The following DNM2 variants were observed in gnomAD, a reference collection of about 807,000 sequenced individuals.
The protein encoded by DNM2 is dynamin 2.
A neutral mutation model predicts 99.0 loss-of-function variants in DNM2; 15 were observed. The observed-to-expected ratio is 0.15, with a 90% CI of 0.10 to 0.23. The LOEUF (loss-of-function observed/expected upper bound fraction) is 0.23. Ranked by LOEUF, DNM2 falls within the 10% of genes least tolerant of loss-of-function variation. DNM2 has a pLI of 1.00. For synonymous variants in DNM2, 525 were observed against 481.2 expected (o/e 1.09, Z -1.19); for missense variants, 742 against 1,189.4 (o/e 0.62, Z 5.53).
At position 10,830,269 on chromosome 19, in the gene DNM2, C is replaced by T. The variant is rs2073292486; in HGVS notation, c.2434C>T (p.Arg812Trp). ...CTTCTCGGCGCCCCCAATCCCATCCCGGCCTGGACCCCAGAGCGTGTTTGC... is the reference window on the plus strand; with the variant it reads ...CTTCTCGGCGCCCCCAATCCCATCCTGGCCTGGACCCCAGAGCGTGTTTGC... The part of the protein sequence containing the change: ...ASFSAPPIPS[R>W]PGPQSVFANS... Residue 812 changes from arginine (R) to tryptophan (W), a missense_variant, in exon 20 of 21, where the codon CGG becomes TGG. Physicochemically the swap from Arg to Trp is moderately radical, Grantham distance 101. This residue lies in a region of DNM2 where 187 missense variants were observed against 218.8 expected (regional missense o/e 0.85). Coordinates refer to ENST00000389253, the MANE Select transcript of DNM2 (RefSeq NM_001005361.3). This position sits in a 1 kb window ranked among gnomAD's most constrained non-coding sequence, Gnocchi z 4.8. 11 of 1,613,876 alleles carry T rather than the reference C, an allele frequency of 6.8e-6. No homozygotes were observed. Among genetic ancestry groups the T allele is most frequent in the Non-Finnish European group, 8.5e-6 (10 of 1,179,948 alleles).
chr19:10,777,946 A>G lies in DNM2; in HGVS notation c.688+730A>G, dbSNP rs146314781. Among the ~76,000 whole-genome samples the G allele has an allele frequency of 3.2e-3, 491 of 151,846 alleles. 1 individual carries two copies. Among genetic ancestry groups the G allele is most frequent in the African/African-American group, 0.011 (475 of 41,402 alleles). On this transcript the variant is annotated intron_variant, in intron 5 of 20. Coordinates refer to ENST00000389253, the MANE Select transcript of DNM2 (RefSeq NM_001005361.3). The stretch of plus-strand genomic sequence containing the variant: ...AAAAGTGTGGAAAAAAGTTCAAAGA[A>G]TCCTCGTGGATGGCTTCCCCAGCTT...
In DNM2 at chr19:10,782,368, C is replaced by T. The variant is rs114247829; in HGVS notation, c.689-592C>T. Among the ~76,000 whole-genome samples, 21 of 4,442 alleles carry T rather than the reference C, an allele frequency of 4.7e-3. 1 individual carries two copies. The East Asian group carries it at 0.049, about 10-fold the overall frequency. The allele number at this position is 4,442 out of a possible 152,430, so 2.9% of individuals were successfully genotyped here. A position where few individuals can be genotyped will look rare whatever the true frequency, so the allele number is the denominator to read the frequency against. ...TTTTTCTTTTTCTTTTTCTTTTTCT[C>T]TTTCTTTTTATTCAGAGTCTTGATC... On this transcript the variant is annotated intron_variant, in intron 5 of 20. Transcript: ENST00000389253.
In DNM2 at chr19:10,818,182, G is replaced by A. The variant is rs1436853649; in HGVS notation, c.1672-1798G>A. 6.7e-6 allele frequency among the ~76,000 whole-genome samples: 1 copy of A among 150,194 alleles called. No individual in the cohort carries two copies. Among genetic ancestry groups the A allele is most frequent in the African/African-American group, 2.5e-5 (1 of 40,402 alleles). ...ACCTTCCCTCCCTTGGGTCCGCAGCGGCATCCCTCCCTCCATGGCCACCGG... is the reference window on the plus strand; with the variant it reads ...ACCTTCCCTCCCTTGGGTCCGCAGCAGCATCCCTCCCTCCATGGCCACCGG... On this transcript the variant is annotated intron_variant, in intron 15 of 20. Transcript: ENST00000389253. This position sits in a 1 kb window ranked among gnomAD's most constrained non-coding sequence, Gnocchi z 4.3.
At position 10,730,789 on chromosome 19, in the gene DNM2, G is replaced by T. The variant is rs541645002; in HGVS notation, c.161+12386G>T. 2.6e-5 allele frequency among the ~76,000 whole-genome samples: 4 copies of T among 152,352 alleles called. No homozygotes were observed. In the South Asian group the frequency reaches 6.2e-4, roughly 24 times the overall value. ...CCAGGGTGGGAGTGAGGCCCTGTATGGCAACCTGCGGGGTGCCCCCTCTGA... is the reference window on the plus strand; with the variant it reads ...CCAGGGTGGGAGTGAGGCCCTGTATTGCAACCTGCGGGGTGCCCCCTCTGA... On this transcript the variant is annotated intron_variant, in intron 1 of 20. Transcript: ENST00000389253.
intron 1 of DNM2, among the ~76,000 whole-genome samples, chr19:10,735,679 A>G (rs957023128): frequency 4.0e-5 from 6 of 150,374 alleles, no homozygotes; most frequent in African/African-American, 2.5e-5. Flanking sequence ...ACGCCCGGCT[A>G]ATTTTTTTTT....
intron 13 of DNM2, among the ~76,000 whole-genome samples, chr19:10,808,177 A>G (rs2072419200): frequency 6.6e-6 from 1 of 151,668 alleles, no homozygotes; most frequent in Admixed American, 6.6e-5. Context: ...AAAGGAAACC[A>G]TAATCTTCGC....
At chr19:10,736,990 A>G (rs549142810) in intron 1 of DNM2, among the ~76,000 whole-genome samples, 37 of 152,242 alleles carry the variant, frequency 2.4e-4, no homozygotes, top group Admixed American at 5.2e-4. Context: ...TCTACAAAAC[A>G]TTTAAAAATT....
At chr19:10,740,153 C>T (rs968446887) in intron 1 of DNM2, among the ~76,000 whole-genome samples, 4 of 152,030 alleles carry the variant, frequency 2.6e-5, no homozygotes, top group Non-Finnish European at 2.9e-5. Flanking sequence ...TGAGTCTTAT[C>T]TCTTTTTCTC....
In DNM2 at chr19:10,786,634, T is replaced by A; in HGVS notation, c.920T>A (p.Leu307Gln). Residue 307 changes from leucine (L) to glutamine (Q), a missense_variant, in exon 7 of 21, where the codon CTG (leucine) becomes CAG (glutamine). By Grantham distance (113) the Leu-to-Gln change is moderately radical. Coordinates refer to ENST00000389253, the MANE Select transcript of DNM2 (RefSeq NM_001005361.3). The part of the protein sequence containing the change: ...RSKLQSQLLS[L>Q]EKEVEEYKNF... ...AAACTACAGAGCCAGCTGCTGTCCC[T>A]GGAGAAGGAGGTGGAGGAGTACAAG... The A allele has an allele frequency of 6.2e-7, 1 of 1,614,136 alleles. No homozygotes were observed. Among genetic ancestry groups the A allele is most frequent in the Non-Finnish European group, 8.5e-7 (1 of 1,180,028 alleles).
At chr19:10,788,641 A>G (rs988242054) in intron 7 of DNM2, among the ~76,000 whole-genome samples, 1 of 152,182 alleles carries the variant, frequency 6.6e-6, no homozygotes, top group South Asian at 2.1e-4. Flanking sequence ...GATCCACCCC[A>G]TGACTTGGTT....
intron 1 of DNM2, among the ~76,000 whole-genome samples, chr19:10,756,467 C>T (rs2070388277): frequency 1.3e-5 from 2 of 152,180 alleles, no homozygotes; most frequent in Non-Finnish European, 2.9e-5. Flanking sequence ...CTGTTTGTGC[C>T]TCAGGCTCCT....
chr19:10,780,391 C>A (rs1377392008), intron 5 of DNM2: 1 of 152,454 alleles, frequency 6.6e-6, no homozygotes, highest in Non-Finnish European at 1.5e-5. Flanking sequence ...TCCTAAGGGC[C>A]TTTGGGGTCT....
intron 2 of DNM2, among the ~76,000 whole-genome samples, chr19:10,760,766 C>G (rs117250214): frequency 0.033 from 4,896 of 150,354 alleles, 101 homozygotes; most frequent in Middle Eastern, 0.093. Context: ...CCAAGCAATC[C>G]TCTCCAATCA....
At chr19:10,751,815 C>T (rs191196289) in intron 1 of DNM2, among the ~76,000 whole-genome samples, 20 of 152,348 alleles carry the variant, frequency 1.3e-4, no homozygotes, top group African/African-American at 2.6e-4. Flanking sequence ...TAGAACTGTT[C>T]GGAATAACAC....
rs768817257 is a variant in DNM2, at chr19:10,830,144, G to A, written c.2309G>A (p.Arg770Gln). The A allele has an allele frequency of 1.6e-5, 26 of 1,613,654 alleles. No homozygotes were observed. The highest frequency in any genetic ancestry group is 4.0e-5 in the African/African-American group (3 of 74,842). ...ASSHSPTPQRRPVSSIHPPGR... is the reference protein window; with the variant it reads ...ASSHSPTPQRQPVSSIHPPGR... ...CCTCACAGCCCCACTCCACAGCGCC[G>A]ACCGGTGTCCAGCATACACCCCCCT... The change falls in exon 20 of 21, where the codon CGA becomes CAA. Residue 770 changes from arginine (R) to glutamine (Q), a missense_variant. By Grantham distance (43) the Arg-to-Gln change is conservative (BLOSUM62 1). Transcript: ENST00000389253. This position sits in a 1 kb window ranked among gnomAD's most constrained non-coding sequence, Gnocchi z 4.8.
Position 10,831,564 on chromosome 19 carries a change from TC to T in DNM2, c.*520del. 7.1e-6 allele frequency: 7 copies of T among 986,004 alleles called. No individual in the cohort carries two copies. The highest frequency in any genetic ancestry group is 8.4e-6 in the Non-Finnish European group (7 of 830,078). The allele number at this position is 986,004 out of a possible 1,614,324, so 61.1% of individuals were successfully genotyped here. ...GCAGGCCTGAGGTGTACATAGTCCT[TC>T]CCGGCCATATTAACCACACAGCCTG... On this transcript the variant is annotated 3_prime_UTR_variant, in exon 21 of 21. Coordinates refer to ENST00000389253, the MANE Select transcript of DNM2 (RefSeq NM_001005361.3). The surrounding 1 kb of genome is among the most constrained non-coding windows in gnomAD (Gnocchi z 4.3).
At chr19:10,797,205 C>G (rs1248938551) in intron 9 of DNM2, among the ~76,000 whole-genome samples, 175 bp from the exon 10 acceptor site, 5 of 152,174 alleles carry the variant, frequency 3.3e-5, no homozygotes, top group Middle Eastern at 3.4e-3. Flanking sequence ...CCCCAAACCC[C>G]AGACCTCTTT....
intron 1 of DNM2, among the ~76,000 whole-genome samples, chr19:10,719,197 C>T (rs1202246985): frequency 6.6e-6 from 1 of 152,112 alleles, no homozygotes; most frequent in African/African-American, 2.4e-5. Context: ...ATGACTACCC[C>T]TGAGTGTCTG....
chr19:10,748,846 C>A (rs1156785732), intron 1 of DNM2, among the ~76,000 whole-genome samples: 1 of 152,190 alleles, frequency 6.6e-6, no homozygotes, highest in African/African-American at 2.4e-5. Context: ...TTAGAGACAG[C>A]CTGTTGGGTG....
Sources: allele counts gnomAD v4.1 joint callset (sites outside exome capture counted in the v4.1 genomes callset), GRCh38; gene constraint gnomAD v4.1.1; regional missense constraint gnomAD v4.1.1; non-coding constraint Gnocchi (gnomAD v3.1); transcripts MANE v1.5; gene names NCBI Gene and HGNC (gene_info 2026-07-23, HGNC 2026-07-21).